Variants in GRB2 observed in about 807,000 individuals in gnomAD.
GRB2 encodes the protein growth factor receptor bound protein 2.
In GRB2, 2 loss-of-function variants were observed where a neutral mutation model predicts 27.4. That is an observed-to-expected ratio of 0.07 (90% CI 0.03 to 0.23). The LOEUF (loss-of-function observed/expected upper bound fraction) is 0.23. Ranked by LOEUF, GRB2 falls within the 10% of genes least tolerant of loss-of-function variation. GRB2 has a pLI of 1.00. For synonymous variants in GRB2, 94 were observed against 99.6 expected (o/e 0.94, Z 0.33); for missense variants, 102 against 282.4 (o/e 0.36, Z 4.58).
intron 2 of GRB2, among the ~76,000 whole-genome samples, chr17:75,351,558 T>C (rs903491979): frequency 1.3e-5 from 2 of 151,810 alleles, no homozygotes. Flanking sequence ...GAGACTACAG[T>C]GGGAGGATCA....
intron 3 of GRB2, among the ~76,000 whole-genome samples, chr17:75,330,863 C>G (rs927160192): frequency 6.6e-6 from 1 of 152,078 alleles, no homozygotes; most frequent in African/African-American, 2.4e-5. Flanking sequence ...TTGGATCCAC[C>G]CCTCAAGCAT....
At chr17:75,343,933 C>G (rs909626017) in intron 2 of GRB2, among the ~76,000 whole-genome samples, 1 of 152,028 alleles carries the variant, frequency 6.6e-6, no homozygotes, top group Admixed American at 6.6e-5. Context: ...ATATGATGAC[C>G]TGTACTAGAC....
At chr17:75,358,700 TAAA>T (rs71159497) in intron 2 of GRB2, among the ~76,000 whole-genome samples, 162 of 66,290 alleles carry the variant, frequency 2.4e-3, no homozygotes, top group Non-Finnish European at 3.8e-3. Flanking sequence ...CCATCTCTAC[TAAA>T]AAAAAAAAAA....
intron 2 of GRB2, among the ~76,000 whole-genome samples, chr17:75,391,130 G>T (rs926679732): frequency 6.6e-6 from 1 of 151,858 alleles, no homozygotes; most frequent in Non-Finnish European, 1.5e-5. Flanking sequence ...CTACTGTATC[G>T]TCACTCTTTT....
chr17:75,357,448 T>G (rs2078740646), intron 2 of GRB2, among the ~76,000 whole-genome samples: 1 of 152,230 alleles, frequency 6.6e-6, no homozygotes, highest in Non-Finnish European at 1.5e-5. Context: ...TGAAAGTGAA[T>G]GTGGGGCATA....
Position 75,378,266 on chromosome 17 carries a change from T to G in GRB2, c.78+15285A>C, listed in dbSNP as rs1024889137. Among the ~76,000 whole-genome samples, 8 of 152,186 alleles carry G rather than the reference T, an allele frequency of 5.3e-5. No homozygotes were observed. The East Asian group carries it at 1.5e-3, about 29-fold the overall frequency. On this transcript the variant is annotated intron_variant, in intron 2 of 5. Transcript: ENST00000316804. ...TGAGCTGAGCGTGGTGGTGGGCAGC[T>G]GTAATCCTAGCTACTTGGGAGGCTG... is the stretch of plus-strand genomic sequence containing the variant.
chr17:75,365,703 G>GA (rs925597352), intron 2 of GRB2, among the ~76,000 whole-genome samples: 130 of 150,452 alleles, frequency 8.6e-4, no homozygotes, highest in African/African-American at 3.0e-3. Flanking sequence ...ATGAGTGAAA[G>GA]AAAAAAAACC....
At chr17:75,383,145 T>G (rs986141358) in intron 2 of GRB2, among the ~76,000 whole-genome samples, 2 of 151,480 alleles carry the variant, frequency 1.3e-5, no homozygotes, top group Non-Finnish European at 3.0e-5. Flanking sequence ...ATCCTTAAAG[T>G]AAATACTATG....
chr17:75,325,984 T>C lies in GRB2; in HGVS notation c.213A>G (p.Glu71=), dbSNP rs1459465295. ...FFGKIPRAKA[E]EMLSKQRHDG... is the part of the protein sequence containing the mutation. ...CGTGCCGCTGTTTGCTAAGCATTTC[T>C]TCTGCCTTGGCTCTGGGGATTTTGC... The change falls in exon 4 of 6, where the codon GAA becomes GAG. Residue 71 remains glutamate, a synonymous_variant. Coordinates refer to ENST00000316804, the MANE Select transcript of GRB2 (RefSeq NM_002086.5). 2 of 1,614,180 alleles carry C rather than the reference T, an allele frequency of 1.2e-6. No homozygotes were observed. Among genetic ancestry groups the C allele is most frequent in the Non-Finnish European group, 1.7e-6 (2 of 1,180,030 alleles).
chr17:75,340,240 T>G (rs932793146), intron 2 of GRB2, among the ~76,000 whole-genome samples: 1 of 152,176 alleles, frequency 6.6e-6, no homozygotes, highest in Non-Finnish European at 1.5e-5. Context: ...GTGAGAACAT[T>G]TGTGCATGAA....
At chr17:75,404,944 A>G (rs959392169) in intron 1 of GRB2, 6 of 137,628 alleles carry the variant, frequency 4.4e-5, no homozygotes, top group African/African-American at 1.5e-4. Flanking sequence ...TTTTCTTGAC[A>G]AATATTTTTC....
At chr17:75,348,576 G>C (rs1253297333) in intron 2 of GRB2, among the ~76,000 whole-genome samples, 1 of 152,174 alleles carries the variant, frequency 6.6e-6, no homozygotes, top group African/African-American at 2.4e-5. Context: ...ATGAGCTAAG[G>C]GAGCTATGTG....
At chr17:75,358,711 A>C (rs112472429) in intron 2 of GRB2, among the ~76,000 whole-genome samples, 9,034 of 144,974 alleles carry the variant, frequency 0.062, 474 homozygotes, top group Middle Eastern at 0.13. Context: ...AAAAAAAAAA[A>C]AAAAAAAAAA....
At chr17:75,370,171 G>A (rs551314106) in intron 2 of GRB2, among the ~76,000 whole-genome samples, 18 of 152,286 alleles carry the variant, frequency 1.2e-4, no homozygotes, top group South Asian at 8.3e-4. Context: ...TTGATGCAAC[G>A]TTCAAGCTCC....
chr17:75,360,070 C>A (rs2078769498), intron 2 of GRB2, among the ~76,000 whole-genome samples: 1 of 151,442 alleles, frequency 6.6e-6, no homozygotes, highest in Non-Finnish European at 1.5e-5. Flanking sequence ...TTGCTTGAGG[C>A]CAGGGGTTAG....
chr17:75,379,891 T>C (rs1262584277), intron 2 of GRB2, among the ~76,000 whole-genome samples: 1 of 152,198 alleles, frequency 6.6e-6, no homozygotes, highest in African/African-American at 2.4e-5. Flanking sequence ...CTGCAATTTG[T>C]CTCATTAGTA....
chr17:75,385,392 C>T (rs1460227562), intron 2 of GRB2, among the ~76,000 whole-genome samples: 1 of 152,092 alleles, frequency 6.6e-6, no homozygotes, highest in Non-Finnish European at 1.5e-5. Flanking sequence ...CAAAAATTAG[C>T]TGGGCATGGT....
At chr17:75,370,802 G>C (rs2145854755) in intron 2 of GRB2, 1 of 152,296 alleles carries the variant, frequency 6.6e-6, no homozygotes, top group South Asian at 2.1e-4. Context: ...CTCTCCCTGT[G>C]AGTTTTATTC....
chr17:75,385,585 A>T (rs1255696798), intron 2 of GRB2, among the ~76,000 whole-genome samples: 4 of 152,194 alleles, frequency 2.6e-5, no homozygotes, highest in Non-Finnish European at 2.9e-5. Context: ...AAAAGAACAT[A>T]AAATCAGGAC....
Sources: allele counts gnomAD v4.1 joint callset (sites outside exome capture counted in the v4.1 genomes callset), GRCh38; gene constraint gnomAD v4.1.1; transcripts MANE v1.5; gene names NCBI Gene and HGNC (gene_info 2026-07-23, HGNC 2026-07-21).